The following CABLES2 variants were observed in gnomAD, a reference collection of about 807,000 sequenced individuals.
The protein encoded by CABLES2 is CDK5 and ABL1 enzyme substrate 2.
CABLES2 carries 35 observed loss-of-function variants against 44.8 expected under a neutral mutation model. The ratio of observed to expected loss-of-function variants is 0.78; its 90% confidence interval spans 0.60 to 1.04. The LOEUF is 1.04. CABLES2 is among the 50% of genes least tolerant of loss of function. The pLI is 0.00. For missense variants in CABLES2, 566 were observed against 615.7 expected (o/e 0.92, Z 0.85); for synonymous variants, 282 against 281.1 (o/e 1.00, Z -0.03).
At chr20:62,394,347 G>A (rs936545138) in intron 4 of CABLES2, 82 bp from the exon 5 acceptor site, 23 of 1,116,038 alleles carry the variant, frequency 2.1e-5, no homozygotes, top group African/African-American at 1.5e-4. Flanking sequence ...CCGCTGGCCC[G>A]AGGTGCTCTC....
intron 1 of CABLES2, chr20:62,405,548 G>T (rs1601480520): frequency 6.6e-6 from 1 of 152,316 alleles, no homozygotes; most frequent in Non-Finnish European, 1.5e-5. Context: ...AGTGCACCGC[G>T]ACCTGCGTGT....
chr20:62,398,125 TTATGAC>T (rs767685212), intron 1 of CABLES2, among the ~76,000 whole-genome samples: 223 of 74,302 alleles, frequency 3.0e-3, no homozygotes, highest in East Asian at 0.014. Flanking sequence ...GTGGTGGTGG[TTATGAC>T]GGTGGTGATG....
chr20:62,392,784 C>T, intron 7 of CABLES2, 136 bp downstream of exon 7: 1 of 796,526 alleles, frequency 1.3e-6, no homozygotes, highest in Non-Finnish European at 2.1e-6. Flanking sequence ...CACACCGCCA[C>T]TGTCTGTGCT....
At position 62,396,513 on chromosome 20, in the gene CABLES2, G is replaced by C. The variant is rs375383433; in HGVS notation, c.434+8C>G. On this transcript the variant is annotated splice_region_variant and intron_variant, in intron 2 of 9. Transcript: ENST00000279101. This position sits in a 1 kb window ranked among gnomAD's most constrained non-coding sequence, Gnocchi z 5.7. ...GTCGTAGAGCTCGGGGCGGACGGGG[G>C]CGTGTACCTCTGTGCTGGAGCGCAT... 2.0e-5 allele frequency: 32 copies of C among 1,613,860 alleles called. No individual in the cohort carries two copies. In the African/African-American group the frequency reaches 2.3e-4, roughly 11 times the overall value.
intron 1 of CABLES2, among the ~76,000 whole-genome samples, chr20:62,398,441 T>C (rs1988126924): frequency 6.6e-6 from 1 of 151,946 alleles, no homozygotes; most frequent in Non-Finnish European, 1.5e-5. Context: ...CCCCCAGGCT[T>C]GGCATGGGGC....
At chr20:62,393,324 T>C (rs931564460) in intron 6 of CABLES2, 116 bp downstream of exon 6, 5 of 1,146,428 alleles carry the variant, frequency 4.4e-6, no homozygotes, top group Non-Finnish European at 6.3e-6. Flanking sequence ...CCAGGCTCCA[T>C]CTGCACGGAG....
Position 62,393,489 on chromosome 20 carries a change from T to G in CABLES2, c.831A>C (p.Ser277=). 1 of 1,613,242 alleles carries G rather than the reference T, an allele frequency of 6.2e-7. No individual in the cohort carries two copies. The highest frequency in any genetic ancestry group is 8.5e-7 in the Non-Finnish European group (1 of 1,179,564). ...RPSVPRTLPG[S]RHKPAPTKSA... ...ACTTGGTGGGGGCAGGTTTATGTCTTGACCCTGGCAGAGTCCGGGGGACAC... is the reference window on the plus strand; with the variant it reads ...ACTTGGTGGGGGCAGGTTTATGTCTGGACCCTGGCAGAGTCCGGGGGACAC... The change falls in exon 6 of 10, where the codon TCA becomes TCC. Residue 277 remains serine (S), a synonymous_variant. Transcript: ENST00000279101.
rs1278234189 is a variant in CABLES2, at chr20:62,390,239, C to G, written c.*732G>C. 1 of 152,566 alleles carries G rather than the reference C, an allele frequency of 6.6e-6. No individual in the cohort carries two copies. Among genetic ancestry groups the G allele is most frequent in the Non-Finnish European group, 1.5e-5 (1 of 68,084 alleles). 9.5% of individuals were successfully genotyped at this position (152,566 alleles called of 1,614,324 possible). A position where few individuals can be genotyped will look rare whatever the true frequency, so the allele number is the denominator to read the frequency against. On this transcript the variant is annotated 3_prime_UTR_variant, in exon 10 of 10. Coordinates refer to ENST00000279101, the MANE Select transcript of CABLES2 (RefSeq NM_031215.3). ...GGCAGCTGTCTGTTGTGCCGTCGGTCTGTAGGACACAGGGGCGTTAGGATT... is the reference window on the plus strand; with the variant it reads ...GGCAGCTGTCTGTTGTGCCGTCGGTGTGTAGGACACAGGGGCGTTAGGATT...
At chr20:62,398,165 GGTGGTAATGGTGGTGGTGGTGA>G in intron 1 of CABLES2, among the ~76,000 whole-genome samples, 2 of 126,600 alleles carry the variant, frequency 1.6e-5, no homozygotes, top group Non-Finnish European at 3.3e-5. Flanking sequence ...TGACGGTGAT[GGTGGTAATGGTGGTGGTGGTGA>G]TGGTGATGAT....
In CABLES2 at chr20:62,391,122, GAA is replaced by G; in HGVS notation, c.1297-13_1297-12del. On this transcript the variant is annotated splice_polypyrimidine_tract_variant and intron_variant, in intron 9 of 9. Coordinates refer to ENST00000279101, the MANE Select transcript of CABLES2 (RefSeq NM_031215.3). The surrounding 1 kb of genome is among the most constrained non-coding windows in gnomAD (Gnocchi z 5.7). Reference sequence around the variant, plus strand: ...CCTTTCTTCTAACTTCTGCAGGGGAGAAGAGAGAAGGGTTACACGGGAGCCTT... The same window carrying G: ...CCTTTCTTCTAACTTCTGCAGGGGAGGAGAGAAGGGTTACACGGGAGCCTT... 6.2e-7 allele frequency: 1 copy of G among 1,613,840 alleles called. No individual in the cohort carries two copies. The highest frequency in any genetic ancestry group is 8.5e-7 in the Non-Finnish European group (1 of 1,179,848).
In CABLES2 at chr20:62,396,207, G is replaced by A; in HGVS notation, c.527+108C>T. 2 of 894,266 alleles carry A rather than the reference G, an allele frequency of 2.2e-6. No individual in the cohort carries two copies. The highest frequency in any genetic ancestry group is 2.4e-5 in the East Asian group (1 of 41,556). The allele number at this position is 894,266 out of a possible 1,614,324, so 55.4% of individuals were successfully genotyped here. On this transcript the variant is annotated intron_variant, in intron 3 of 9. Transcript: ENST00000279101. This position sits in a 1 kb window ranked among gnomAD's most constrained non-coding sequence, Gnocchi z 5.7. ...CCTCTAGAGGTGTGGAGTGTGGGGTGGGCGGGAGCTTTGGGAGTGGAGGGA... is the reference window on the plus strand; with the variant it reads ...CCTCTAGAGGTGTGGAGTGTGGGGTAGGCGGGAGCTTTGGGAGTGGAGGGA...
intron 1 of CABLES2, among the ~76,000 whole-genome samples, chr20:62,406,704 C>T (rs1006465731): frequency 6.6e-6 from 1 of 150,456 alleles, no homozygotes; most frequent in East Asian, 2.0e-4. Context: ...GTCACCTGAA[C>T]CTCTGTCCAG....
Position 62,396,688 on chromosome 20 carries a change from C to G in CABLES2, c.363-96G>C, listed in dbSNP as rs1164540601. On this transcript the variant is annotated intron_variant, in intron 1 of 9. Transcript: ENST00000279101. This position sits in a 1 kb window ranked among gnomAD's most constrained non-coding sequence, Gnocchi z 5.7. ...TGCCGCCCGCTGTGCAGGGAAGGGC[C>G]ACTCTCCAGCCCAGCGGCGCACCCA... is the stretch of plus-strand genomic sequence containing the variant. 3.1e-6 allele frequency: 4 copies of G among 1,294,204 alleles called. No individual in the cohort carries two copies. Among genetic ancestry groups the G allele is most frequent in the Non-Finnish European group, 4.4e-6 (4 of 918,758 alleles). The allele number at this position is 1,294,204 out of a possible 1,614,324, so 80.2% of individuals were successfully genotyped here. A position where few individuals can be genotyped will look rare whatever the true frequency, so the allele number is the denominator to read the frequency against.
Position 62,391,456 on chromosome 20 carries a change from G to A in CABLES2, c.1092-3C>T. ...GGCTCCGCATCTCCCGCTTTAAGCTGTGGGTTAAGACAGAAGCCATGTCCC... is the reference window on the plus strand; with the variant it reads ...GGCTCCGCATCTCCCGCTTTAAGCTATGGGTTAAGACAGAAGCCATGTCCC... On this transcript the variant is annotated splice_polypyrimidine_tract_variant and splice_region_variant and intron_variant, in intron 8 of 9. Coordinates refer to ENST00000279101, the MANE Select transcript of CABLES2 (RefSeq NM_031215.3). This position sits in a 1 kb window ranked among gnomAD's most constrained non-coding sequence, Gnocchi z 5.7. 6.2e-7 allele frequency: 1 copy of A among 1,612,958 alleles called. No individual in the cohort carries two copies. Among genetic ancestry groups the A allele is most frequent in the Non-Finnish European group, 8.5e-7 (1 of 1,179,952 alleles).
chr20:62,393,442 A>G lies in CABLES2; in HGVS notation c.878T>C (p.Leu293Pro). Residue 293 changes from leucine (L) to proline (P), a missense_variant and splice_region_variant, in exon 6 of 10, where the codon CTA becomes CCA. Coordinates refer to ENST00000279101, the MANE Select transcript of CABLES2 (RefSeq NM_031215.3). ...PTKSAPASTE[L>P]GSDVGDTLEY... ...CGTGGTTAAGGCACGTGGGCTACCT[A>G]GTTCTGTGCTGGCTGGTGCCGACTT... is the stretch of plus-strand genomic sequence containing the variant. The G allele has an allele frequency of 1.9e-6, 3 of 1,601,534 alleles. No homozygotes were observed. The highest frequency in any genetic ancestry group is 2.6e-6 in the Non-Finnish European group (3 of 1,173,474).
In CABLES2 at chr20:62,393,661, G is replaced by A. The variant is rs934240378; in HGVS notation, c.715-56C>T. On this transcript the variant is annotated intron_variant, in intron 5 of 9. Coordinates refer to ENST00000279101, the MANE Select transcript of CABLES2 (RefSeq NM_031215.3). ...CTGCCTCCCGGGACCAGAGGGCAAA[G>A]TGAGCTCCCGCTGCAGGAAGCCCAG... 1.1e-5 allele frequency: 16 copies of A among 1,508,942 alleles called. No homozygotes were observed. In the African/African-American group the frequency reaches 1.8e-4, roughly 17 times the overall value. 93.5% of individuals were successfully genotyped at this position (1,508,942 alleles called of 1,614,324 possible).
intron 1 of CABLES2, among the ~76,000 whole-genome samples, chr20:62,399,622 C>T (rs1988152572): frequency 1.6e-5 from 2 of 122,896 alleles, no homozygotes; most frequent in African/African-American, 6.2e-5. Context: ...GAGACAGAGT[C>T]TCACTCTGTG....
At chr20:62,404,343 T>G (rs560382381) in intron 1 of CABLES2, 28 of 152,390 alleles carry the variant, frequency 1.8e-4, no homozygotes, top group African/African-American at 6.5e-4. Flanking sequence ...TGTCACCTGC[T>G]CAAGGTCACA....
intron 6 of CABLES2, 109 bp from the exon 7 acceptor site, chr20:62,393,132 G>T: frequency 2.1e-6 from 2 of 965,498 alleles, no homozygotes; most frequent in Non-Finnish European, 3.2e-6. Context: ...CAGGGGAGGG[G>T]CTCTAGGCCA....
Sources: allele counts gnomAD v4.1 joint callset (sites outside exome capture counted in the v4.1 genomes callset), GRCh38; gene constraint gnomAD v4.1.1; non-coding constraint Gnocchi (gnomAD v3.1); transcripts MANE v1.5; gene names NCBI Gene and HGNC (gene_info 2026-07-23, HGNC 2026-07-21).